Variants in ENTREP2 observed in about 807,000 individuals in gnomAD.
ENTREP2 encodes the protein protein ENTREP2.
chr15:29,131,791 C>A, the ENTREP2 span, among the ~76,000 whole-genome samples: 1 of 148,794 alleles, frequency 6.7e-6, no homozygotes, highest in Admixed American at 6.7e-5. Flanking sequence ...GGGCCACCGT[C>A]GTCAGTGGCC....
At chr15:29,546,399 T>C in the ENTREP2 span, among the ~76,000 whole-genome samples, 2 of 151,560 alleles carry the variant, frequency 1.3e-5, no homozygotes, top group Non-Finnish European at 2.9e-5. Context: ...ACAAAACTAC[T>C]GGGAGTAGAA....
chr15:29,124,856 G>T, the ENTREP2 span: 2 of 1,109,972 alleles, frequency 1.8e-6, no homozygotes, highest in Non-Finnish European at 1.3e-6. Context: ...CATTTTAGAT[G>T]GCGAGCAAGC....
At chr15:29,369,124 A>C in the ENTREP2 span, among the ~76,000 whole-genome samples, 3 of 152,164 alleles carry the variant, frequency 2.0e-5, no homozygotes, top group Non-Finnish European at 2.9e-5. Flanking sequence ...AATGGAGTAT[A>C]TCAACAGGAG....
At chr15:29,552,794 G>A in the ENTREP2 span, among the ~76,000 whole-genome samples, 1 of 152,122 alleles carries the variant, frequency 6.6e-6, no homozygotes, top group African/African-American at 2.4e-5. Context: ...TTGACTGTTT[G>A]CAGAATTTTA....
the ENTREP2 span, among the ~76,000 whole-genome samples, chr15:29,281,655 G>A: frequency 6.6e-6 from 1 of 152,184 alleles, no homozygotes; most frequent in South Asian, 2.1e-4. Flanking sequence ...AGCTAACCCT[G>A]CGGCAACCCC....
At chr15:29,611,052 A>G in the ENTREP2 span, 1 of 152,156 alleles carries the variant, frequency 6.6e-6, no homozygotes, top group African/African-American at 2.4e-5. Context: ...ATTTTCAAAA[A>G]TTGCTCCCGT....
the ENTREP2 span, chr15:29,128,687 G>A: frequency 1.9e-4 from 177 of 916,522 alleles, no homozygotes; most frequent in Non-Finnish European, 2.8e-4. Flanking sequence ...GGGAGGAGGA[G>A]GAAAAAGAGA....
the ENTREP2 span, among the ~76,000 whole-genome samples, chr15:29,147,742 A>T: frequency 6.6e-6 from 1 of 152,252 alleles, no homozygotes; most frequent in East Asian, 1.9e-4. Flanking sequence ...ACAATCTTGC[A>T]GTTCCTCAAA....
At chr15:29,503,720 C>T in the ENTREP2 span, among the ~76,000 whole-genome samples, 2 of 152,070 alleles carry the variant, frequency 1.3e-5, no homozygotes, top group Non-Finnish European at 2.9e-5. Context: ...AATTATCATA[C>T]TAATAGACAA....
chr15:29,608,654 G>A, the ENTREP2 span, among the ~76,000 whole-genome samples: 1,420 of 151,432 alleles, frequency 9.4e-3, 22 homozygotes, highest in African/African-American at 0.032. Flanking sequence ...TCCCAGGTTC[G>A]CCTCCCAGGT....
At chr15:29,488,487 A>G in the ENTREP2 span, among the ~76,000 whole-genome samples, 948 of 152,352 alleles carry the variant, frequency 6.2e-3, 7 homozygotes, top group Non-Finnish European at 9.5e-3. Context: ...GAGTGAAAGG[A>G]ACACAAAGAA....
chr15:29,461,134 C>T, the ENTREP2 span, among the ~76,000 whole-genome samples: 1 of 152,128 alleles, frequency 6.6e-6, no homozygotes, highest in African/African-American at 2.4e-5. Flanking sequence ...CCAACACTAT[C>T]CCATTTTGTA....
At chr15:29,329,313 C>T in the ENTREP2 span, among the ~76,000 whole-genome samples, 1,555 of 150,510 alleles carry the variant, frequency 0.01, 30 homozygotes, top group African/African-American at 0.037. Flanking sequence ...CAGTGAGCTG[C>T]GATCGCACCA....
chr15:29,520,948 T>C, the ENTREP2 span, among the ~76,000 whole-genome samples: 1 of 152,220 alleles, frequency 6.6e-6, no homozygotes, highest in African/African-American at 2.4e-5. Flanking sequence ...AATGTATTCA[T>C]AGGGCAGAGG....
chr15:29,222,460 G>A, the ENTREP2 span, among the ~76,000 whole-genome samples: 3 of 151,924 alleles, frequency 2.0e-5, no homozygotes, highest in African/African-American at 7.3e-5. Flanking sequence ...CTATGGGCTC[G>A]CCTCTAATTC....
At chr15:29,409,633 T>C in the ENTREP2 span, among the ~76,000 whole-genome samples, 1 of 10,790 alleles carries the variant, frequency 9.3e-5, no homozygotes, top group Non-Finnish European at 1.7e-4. Flanking sequence ...CCTATTTTTC[T>C]TTTTTTTTTT....
the ENTREP2 span, chr15:29,123,413 G>A: frequency 5.2e-6 from 8 of 1,551,246 alleles, no homozygotes; most frequent in Admixed American, 9.8e-5. Context: ...ACAGCCAAGC[G>A]CATGGCACCC....
chr15:29,607,356 C>G, the ENTREP2 span, among the ~76,000 whole-genome samples: 1 of 149,646 alleles, frequency 6.7e-6, no homozygotes. Flanking sequence ...GAGGCATTAC[C>G]CTTGTATTTG....
At chr15:29,470,241 G>A in the ENTREP2 span, among the ~76,000 whole-genome samples, 1 of 152,204 alleles carries the variant, frequency 6.6e-6, no homozygotes, top group Non-Finnish European at 1.5e-5. Context: ...GCCCCCCACT[G>A]CCACGTTTGT....
Sources: gnomAD v4.1 joint callset for allele counts (sites outside exome capture counted in the v4.1 genomes callset) on GRCh38, gnomAD v4.1.1 for gene constraint, MANE v1.5 for transcripts, NCBI Gene and HGNC (gene_info 2026-07-23, HGNC 2026-07-21) for gene names.